FGF14: variants seen among roughly 807,000 people sequenced by gnomAD.
FGF14 encodes fibroblast growth factor 14, also known as fibroblast growth factor homologous factor 4.
Under a neutral mutation model 25.5 loss-of-function variants are expected in FGF14, and 5 were observed. That is an observed-to-expected ratio of 0.20 (90% CI 0.10 to 0.41). The LOEUF (loss-of-function observed/expected upper bound fraction) is 0.41. Among genes scored for constraint, FGF14 ranks in the 10% least tolerant of loss-of-function variants. The probability of loss-of-function intolerance (pLI) is 1.00; values close to 1 mark genes in which losing one functional copy is unlikely to be tolerated. For synonymous variants in FGF14, 138 were observed against 118.3 expected, an observed-to-expected ratio of 1.17 and a Z score of -1.08; for missense variants, 222 against 320.1, an observed-to-expected ratio of 0.69 and a Z score of 2.34.
At position 101,794,482 on chromosome 13, in the gene FGF14, T is replaced by C. The variant is rs183103382; in HGVS notation, c.409-67672A>G. 3.9e-5 allele frequency among the ~76,000 whole-genome samples: 6 copies of C among 152,232 alleles called. No homozygotes were observed. The East Asian group carries it at 1.2e-3, about 29-fold the overall frequency. ...CAACACTGCCAGCGGTCCCTTTTTC[T>C]AGGGCCAAATCGCAAGCATTTTGAT... On this transcript the variant is annotated intron_variant, in intron 3 of 4. Transcript: ENST00000376143.
chr13:102,284,325 A>C (rs2053988181), intron 1 of FGF14, among the ~76,000 whole-genome samples: 1 of 152,222 alleles, frequency 6.6e-6, no homozygotes, highest in Non-Finnish European at 1.5e-5. Flanking sequence ...TGAAGTCCTC[A>C]ATAAAATTTG....
chr13:102,051,763 G>A (rs553379262), intron 1 of FGF14, among the ~76,000 whole-genome samples: 1 of 152,254 alleles, frequency 6.6e-6, no homozygotes, highest in Non-Finnish European at 1.5e-5. Context: ...TCCCATAAAG[G>A]AAGGTCTTTC....
intron 1 of FGF14, among the ~76,000 whole-genome samples, chr13:102,079,345 G>A (rs2043509155): frequency 6.6e-6 from 1 of 150,850 alleles, no homozygotes; most frequent in Non-Finnish European, 1.5e-5. Context: ...CATGGAAAAA[G>A]AGAGTTTGCA....
intron 1 of FGF14, among the ~76,000 whole-genome samples, chr13:102,166,394 T>A (rs2048013672): frequency 6.6e-6 from 1 of 151,972 alleles, no homozygotes; most frequent in South Asian, 2.1e-4. Context: ...ACTTTCTCCG[T>A]CATTAACAGA....
chr13:102,363,913 TG>T (rs1189701864), intron 1 of FGF14, among the ~76,000 whole-genome samples: 1 of 152,260 alleles, frequency 6.6e-6, no homozygotes, highest in African/African-American at 2.4e-5. Flanking sequence ...CATCTTTCAA[TG>T]GATCTTTTCC....
At chr13:102,275,238 C>CTCTA (rs2053460761) in intron 1 of FGF14, among the ~76,000 whole-genome samples, 1 of 98,466 alleles carries the variant, frequency 1.0e-5, no homozygotes, top group Non-Finnish European at 1.9e-5. Context: ...GCAGATTTCT[C>CTCTA]TCTCTCTCTC....
At chr13:102,152,975 C>T (rs991025764) in intron 1 of FGF14, among the ~76,000 whole-genome samples, 3 of 152,194 alleles carry the variant, frequency 2.0e-5, no homozygotes, top group Non-Finnish European at 4.4e-5. Context: ...CCGTGGCAGG[C>T]CCAGGTCCTT....
intron 1 of FGF14, among the ~76,000 whole-genome samples, chr13:101,922,621 T>A (rs1278456422): frequency 1.3e-5 from 2 of 152,158 alleles, no homozygotes; most frequent in African/African-American, 2.4e-5. Flanking sequence ...AATGTATTTG[T>A]TAAAATTATC....
intron 1 of FGF14, among the ~76,000 whole-genome samples, chr13:101,883,720 T>A (rs1427841645): frequency 1.3e-5 from 2 of 152,100 alleles, no homozygotes; most frequent in Non-Finnish European, 2.9e-5. Flanking sequence ...TCATTTAATA[T>A]GCATAGCGAC....
intron 1 of FGF14, among the ~76,000 whole-genome samples, chr13:102,132,419 A>G (rs1045287427): frequency 6.6e-6 from 1 of 152,188 alleles, no homozygotes; most frequent in African/African-American, 2.4e-5. Flanking sequence ...CTAATGACAG[A>G]CAGATGTGGA....
Position 101,715,683 on chromosome 13 carries a change from A to T in FGF14, c.*7148T>A, listed in dbSNP as rs1566805908. 2.0e-6 allele frequency: 3 copies of T among 1,464,502 alleles called. No homozygotes were observed. The highest frequency in any genetic ancestry group is 1.7e-5 in the Admixed American group (1 of 59,808). 90.7% of individuals were successfully genotyped at this position (1,464,502 alleles called of 1,614,324 possible). ...TTACATGAGAGAGGTCTGGATTCTT[A>T]TTTTTTCTGGGCCATTAGAACAGAT... is the stretch of plus-strand genomic sequence containing the variant. On this transcript the variant is annotated 3_prime_UTR_variant, in exon 5 of 5. Transcript: ENST00000376143.
chr13:101,979,778 G>C (rs2038139318), intron 1 of FGF14, among the ~76,000 whole-genome samples: 1 of 152,112 alleles, frequency 6.6e-6, no homozygotes, highest in African/African-American at 2.4e-5. Flanking sequence ...AAACAAAACA[G>C]CTTTACATAG....
chr13:102,158,543 GA>G (rs66549959), intron 1 of FGF14, among the ~76,000 whole-genome samples: 7,380 of 148,104 alleles, frequency 0.05, 717 homozygotes, highest in East Asian at 0.45. Context: ...GCGGGGGGGG[GA>G]TACATTAGGA....
intron 1 of FGF14, among the ~76,000 whole-genome samples, chr13:102,283,821 A>G (rs2053963884): frequency 6.6e-6 from 1 of 152,210 alleles, no homozygotes; most frequent in Admixed American, 6.5e-5. Flanking sequence ...CTAGCTTTGT[A>G]ACCATAAGCA....
At chr13:102,024,413 A>T (rs1490151423) in intron 1 of FGF14, among the ~76,000 whole-genome samples, 1 of 152,056 alleles carries the variant, frequency 6.6e-6, no homozygotes, top group African/African-American at 2.4e-5. Context: ...TGGTAATTAT[A>T]CAACTTTTCT....
intron 1 of FGF14, among the ~76,000 whole-genome samples, chr13:101,964,687 C>G (rs781415153): frequency 6.6e-6 from 1 of 152,162 alleles, no homozygotes. Context: ...TAGATGGCAT[C>G]TTCTCTGCTA....
intron 1 of FGF14, among the ~76,000 whole-genome samples, chr13:102,246,934 T>G (rs2051904193): frequency 6.6e-6 from 1 of 151,770 alleles, no homozygotes; most frequent in East Asian, 1.9e-4. Flanking sequence ...GAAATAAGGT[T>G]GCACTCCTAC....
intron 1 of FGF14, among the ~76,000 whole-genome samples, chr13:101,883,920 G>A (rs746059063): frequency 1.0e-4 from 15 of 150,586 alleles, no homozygotes; most frequent in African/African-American, 7.3e-5. Context: ...AAAATTAGCC[G>A]GGTGTGGTGG....
chr13:102,326,217 C>A (rs1341847702), intron 1 of FGF14, among the ~76,000 whole-genome samples: 1 of 152,078 alleles, frequency 6.6e-6, no homozygotes, highest in Non-Finnish European at 1.5e-5. Context: ...AATGAAAATG[C>A]AATAAATTTC....
Sources: gnomAD v4.1 joint callset for allele counts (sites outside exome capture counted in the v4.1 genomes callset) on GRCh38, gnomAD v4.1.1 for gene constraint, MANE v1.5 for transcripts, NCBI Gene and HGNC (gene_info 2026-07-23, HGNC 2026-07-21) for gene names.